The following GRIN2D variants were observed in gnomAD, a reference collection of about 807,000 sequenced individuals.
GRIN2D encodes the protein glutamate ionotropic receptor NMDA type subunit 2D.
Under a neutral mutation model 103.2 loss-of-function variants are expected in GRIN2D, and 37 were observed. The observed-to-expected ratio is 0.36, with a 90% CI of 0.28 to 0.47. The LOEUF (loss-of-function observed/expected upper bound fraction) is 0.47. Ranked by LOEUF, GRIN2D falls within the 20% of genes least tolerant of loss-of-function variation. GRIN2D has a pLI of 1.00. For missense variants in GRIN2D, 1,557 were observed against 1,910.6 expected (o/e 0.81, Z 3.45); for synonymous variants, 845 against 885.6 (o/e 0.95, Z 0.81).
In GRIN2D at chr19:48,398,681, C is replaced by A; in HGVS notation, c.289C>A (p.Arg97Ser). The A allele has an allele frequency of 1.4e-6, 2 of 1,460,120 alleles. No individual in the cohort carries two copies. Among genetic ancestry groups the A allele is most frequent in the Non-Finnish European group, 1.8e-6 (2 of 1,110,320 alleles). The allele number at this position is 1,460,120 out of a possible 1,614,324, so 90.4% of individuals were successfully genotyped here. ...GCTGGTGCTCAACGGCTCGGACCCG[C>A]GCAGCCTCGTGCTGCAGCTCTGCGA... Reference protein sequence around the residue: ...VALVLNGSDPRSLVLQLCDLL... With the variant: ...VALVLNGSDPSSLVLQLCDLL... Residue 97 changes from arginine (R) to serine (S), a missense_variant, in exon 3 of 14, where the codon CGC (arginine) becomes AGC (serine). Transcript: ENST00000263269.
chr19:48,419,551 T>C (rs373486254), intron 9 of GRIN2D, 34 bp from the exon 10 acceptor site: 2 of 1,510,228 alleles, frequency 1.3e-6, no homozygotes, highest in Non-Finnish European at 1.8e-6. Flanking sequence ...GAGAAGGGAT[T>C]TGGGGTCCAT....
At chr19:48,418,388 G>T (rs1337993998) in intron 8 of GRIN2D, among the ~76,000 whole-genome samples, 2 of 152,148 alleles carry the variant, frequency 1.3e-5, no homozygotes, top group Admixed American at 1.3e-4. Context: ...GGACAGAAAG[G>T]AGAGTGTGAC....
At chr19:48,402,760 C>A (rs1364919572) in intron 3 of GRIN2D, among the ~76,000 whole-genome samples, 3 of 87,154 alleles carry the variant, frequency 3.4e-5, no homozygotes, top group African/African-American at 1.9e-4. Context: ...TTCTTTACTC[C>A]TTTACGAGAG....
rs1234739113 is a variant in GRIN2D, at chr19:48,442,787, G to A, written c.2861G>A (p.Gly954Asp). 7 of 1,070,972 alleles carry A rather than the reference G, an allele frequency of 6.5e-6. No individual in the cohort carries two copies. The highest frequency in any genetic ancestry group is 7.9e-6 in the Non-Finnish European group (7 of 886,706). The allele number at this position is 1,070,972 out of a possible 1,614,324, so 66.3% of individuals were successfully genotyped here. A position where few individuals can be genotyped will look rare whatever the true frequency, so the allele number is the denominator to read the frequency against. Residue 954 changes from glycine (G) to aspartate (D), a missense_variant, in exon 14 of 14, where the codon GGC becomes GAC. By Grantham distance (94) the Gly-to-Asp change is moderately conservative. This residue lies in a region of GRIN2D where 632 missense variants were observed against 572.8 expected (regional missense o/e 1.10). Transcript: ENST00000263269. This position sits in a 1 kb window ranked among gnomAD's most constrained non-coding sequence, Gnocchi z 7.2. ...RRTKGAGPPG[G>D]AGLADGFHRY... Reference sequence around the variant, plus strand: ...ACCAAGGGCGCGGGGCCGCCGGGGGGCGCGGGCCTGGCCGACGGCTTCCAC... The same window carrying A: ...ACCAAGGGCGCGGGGCCGCCGGGGGACGCGGGCCTGGCCGACGGCTTCCAC...
At chr19:48,409,064 G>A (rs80033300) in intron 4 of GRIN2D, among the ~76,000 whole-genome samples, 1,934 of 152,004 alleles carry the variant, frequency 0.013, 44 homozygotes, top group African/African-American at 0.044. Context: ...ACCGTCTGAT[G>A]AGGGTCTTCT....
intron 4 of GRIN2D, among the ~76,000 whole-genome samples, chr19:48,411,947 T>C (rs1373878912): frequency 6.6e-6 from 1 of 151,462 alleles, no homozygotes; most frequent in African/African-American, 2.4e-5. Flanking sequence ...AATCCCACTA[T>C]GTTGGGAGGT....
Position 48,441,926 on chromosome 19 carries a change from G to A in GRIN2D, c.2410G>A (p.Asp804Asn), listed in dbSNP as rs1971298007. ...HKGSRWKRPI[D>N]LALLQFLGDD... ...GGGCTCCCGCTGGAAGCGGCCCATC[G>A]ACCTGGCGTTGCTGCAGTTCCTGGG... The change falls in exon 12 of 14, where the codon GAC (aspartate) becomes AAC (asparagine). Residue 804 changes from aspartate to asparagine, a missense_variant. Asp to Asn is a conservative substitution (Grantham distance 23, BLOSUM62 1). Coordinates refer to ENST00000263269, the MANE Select transcript of GRIN2D (RefSeq NM_000836.4). The A allele has an allele frequency of 6.2e-7, 1 of 1,610,020 alleles. No individual in the cohort carries two copies. Among genetic ancestry groups the A allele is most frequent in the Non-Finnish European group, 8.5e-7 (1 of 1,179,046 alleles).
rs1970762032 is a variant in GRIN2D at position 48,404,763 on chromosome 19, C to T, written c.495C>T (p.Gly165=). The T allele has an allele frequency of 7.5e-6, 12 of 1,610,682 alleles. No homozygotes were observed. Among genetic ancestry groups the T allele is most frequent in the Non-Finnish European group, 9.3e-6 (11 of 1,177,770 alleles). Residue 165 remains glycine (G), a synonymous_variant, in exon 4 of 14, where the codon GGC becomes GGT. Transcript: ENST00000263269. ...KEKGSTFLQL[G]SSTEQQLQVI... ...AGGGCTCCACCTTCCTGCAGCTGGG[C>T]TCTTCCACCGAGCAACAGCTTCAGG... is the stretch of plus-strand genomic sequence containing the variant.
At position 48,423,688 on chromosome 19, in the gene GRIN2D, C is replaced by T. The variant is rs147286421; in HGVS notation, c.2252+1743C>T. On this transcript the variant is annotated intron_variant, in intron 11 of 13. Coordinates refer to ENST00000263269, the MANE Select transcript of GRIN2D (RefSeq NM_000836.4). Reference sequence around the variant, plus strand: ...GCCAGTGTGGTTGAAGGGCAAGGAGCTGAGGTGAGAGAGTAGATGAGGGGA... The same window carrying T: ...GCCAGTGTGGTTGAAGGGCAAGGAGTTGAGGTGAGAGAGTAGATGAGGGGA... Among the ~76,000 whole-genome samples the T allele has an allele frequency of 5.9e-5, 9 of 152,112 alleles. No individual in the cohort carries two copies. In the East Asian group the frequency reaches 1.4e-3, roughly 23 times the overall value.
intron 11 of GRIN2D, among the ~76,000 whole-genome samples, chr19:48,434,426 TTTA>T (rs1279047312): frequency 3.9e-5 from 6 of 152,130 alleles, no homozygotes; most frequent in Non-Finnish European, 4.4e-5. Context: ...GCTAGTTCTT[TTTA>T]TTTTTAGTAG....
chr19:48,436,676 G>A (rs934461192), intron 11 of GRIN2D, among the ~76,000 whole-genome samples: 2 of 152,232 alleles, frequency 1.3e-5, no homozygotes, highest in African/African-American at 2.4e-5. Flanking sequence ...ACAACTTAAG[G>A]GTTAGAAGCA....
At chr19:48,416,993 C>T (rs1318883873) in intron 8 of GRIN2D, among the ~76,000 whole-genome samples, 1 of 152,154 alleles carries the variant, frequency 6.6e-6, no homozygotes, top group Non-Finnish European at 1.5e-5. Flanking sequence ...GATCTGCCCA[C>T]CTCAGCCTCC....
chr19:48,440,580 GA>G (rs1299054341), intron 11 of GRIN2D, among the ~76,000 whole-genome samples: 4 of 152,160 alleles, frequency 2.6e-5, no homozygotes, highest in African/African-American at 7.2e-5. Flanking sequence ...GCAACATAGT[GA>G]GACCTCGTCT....
Position 48,443,193 on chromosome 19 carries a change from C to T in GRIN2D, c.3267C>T (p.Ala1089=). 1.7e-6 allele frequency: 2 copies of T among 1,166,226 alleles called. No individual in the cohort carries two copies. The highest frequency in any genetic ancestry group is 2.1e-6 in the Non-Finnish European group (2 of 937,552). The allele number at this position is 1,166,226 out of a possible 1,614,324, so 72.2% of individuals were successfully genotyped here. The part of the protein sequence containing the change: ...AGGTGGAGGG[A]PAAPPPCRAA... ...GCACGGGGGGCGCAGGCGGAGGAGC[C>T]CCGGCCGCTCCGCCCCCGTGCCGCG... Residue 1089 remains alanine, a synonymous_variant, in exon 14 of 14, where the codon GCC becomes GCT. Transcript: ENST00000263269. The surrounding 1 kb of genome is among the most constrained non-coding windows in gnomAD (Gnocchi z 8.9).
Position 48,414,738 on chromosome 19 carries a change from T to C in GRIN2D, c.1413-126T>C. 1.5e-6 allele frequency: 2 copies of C among 1,302,680 alleles called. No homozygotes were observed. Among genetic ancestry groups the C allele is most frequent in the Non-Finnish European group, 2.1e-6 (2 of 938,832 alleles). 80.7% of individuals were successfully genotyped at this position (1,302,680 alleles called of 1,614,324 possible). A position where few individuals can be genotyped will look rare whatever the true frequency, so the allele number is the denominator to read the frequency against. ...GGCAAACCTCAGAATTCTTTGAGCC[T>C]GAGTTTCCCCTGAAAGCGCTAACCA... On this transcript the variant is annotated intron_variant, in intron 6 of 13. Coordinates refer to ENST00000263269, the MANE Select transcript of GRIN2D (RefSeq NM_000836.4). This position sits in a 1 kb window ranked among gnomAD's most constrained non-coding sequence, Gnocchi z 4.6.
At chr19:48,430,918 C>G (rs992782618) in intron 11 of GRIN2D, among the ~76,000 whole-genome samples, 1 of 150,304 alleles carries the variant, frequency 6.7e-6, no homozygotes, top group Non-Finnish European at 1.5e-5. Flanking sequence ...CTCCTGGGTT[C>G]AAGCGATTCT....
intron 4 of GRIN2D, among the ~76,000 whole-genome samples, chr19:48,412,464 A>AGAAG (rs1569063220): frequency 1.3e-5 from 2 of 150,786 alleles, no homozygotes; most frequent in East Asian, 3.9e-4. Flanking sequence ...AAAGAAAGAA[A>AGAAG]GAAAGAAAGA....
Position 48,395,493 on chromosome 19 carries a change from T to TTG in GRIN2D, c.-27+569_-27+570dup, listed in dbSNP as rs755262217. ...GGATTCGGGTGGGGAGAGACCGATGTTGTGTGTGTGTGTTGGGAGGTGAGG... is the reference window on the plus strand; with the variant it reads ...GGATTCGGGTGGGGAGAGACCGATGTTGTGTGTGTGTGTGTTGGGAGGTGAGG... On this transcript the variant is annotated intron_variant, in intron 2 of 13. Coordinates refer to ENST00000263269, the MANE Select transcript of GRIN2D (RefSeq NM_000836.4). 6.7e-4 allele frequency among the ~76,000 whole-genome samples: 102 copies of TTG among 151,216 alleles called. 1 individual carries two copies. Among genetic ancestry groups the TTG allele is most frequent in the Non-Finnish European group, 1.2e-3 (79 of 67,750 alleles).
intron 11 of GRIN2D, among the ~76,000 whole-genome samples, chr19:48,425,254 T>C (rs981941720): frequency 1.3e-5 from 2 of 152,254 alleles, no homozygotes; most frequent in Non-Finnish European, 2.9e-5. Flanking sequence ...CCCATTTTCT[T>C]TTTTTGAGAT....
Sources: gnomAD v4.1 joint callset for allele counts (sites outside exome capture counted in the v4.1 genomes callset) on GRCh38, gnomAD v4.1.1 for gene constraint, gnomAD v4.1.1 regional missense constraint, Gnocchi (gnomAD v3.1) non-coding constraint, MANE v1.5 for transcripts, NCBI Gene and HGNC (gene_info 2026-07-23, HGNC 2026-07-21) for gene names.